Variants in PABPC4L observed in about 807,000 individuals in gnomAD.
PABPC4L encodes the protein polyadenylate-binding protein 4-like.
For synonymous variants in PABPC4L, 169 were observed against 164.1 expected (o/e 1.03, Z -0.23); for missense variants, 452 against 451.4 (o/e 1.00, Z -0.01).
the PABPC4L span, among the ~76,000 whole-genome samples, chr4:134,080,194 T>G: frequency 1.3e-5 from 2 of 152,080 alleles, no homozygotes; most frequent in Non-Finnish European, 2.9e-5. Flanking sequence ...AAATGTCACA[T>G]GAGTGAATTA....
the PABPC4L span, among the ~76,000 whole-genome samples, chr4:134,186,478 T>C: frequency 2.6e-5 from 4 of 152,182 alleles, no homozygotes; most frequent in Non-Finnish European, 2.9e-5. Flanking sequence ...CTGGGAAAAC[T>C]GGCTAGCCAT....
At chr4:133,963,891 C>A in the PABPC4L span, among the ~76,000 whole-genome samples, 2 of 152,028 alleles carry the variant, frequency 1.3e-5, no homozygotes, top group Non-Finnish European at 2.9e-5. Flanking sequence ...CACAAACTGA[C>A]ATTCTAAGGT....
At chr4:133,971,842 A>G in the PABPC4L span, among the ~76,000 whole-genome samples, 1 of 152,140 alleles carries the variant, frequency 6.6e-6, no homozygotes. Flanking sequence ...ACAGATTTCA[A>G]TTCAATTTTC....
rs1282057730 is a variant in PABPC4L at position 134,200,886 on chromosome 4, T to C, written c.134A>G (p.Gln45Arg). 2.6e-6 allele frequency: 4 copies of C among 1,558,282 alleles called. No individual in the cohort carries two copies. The highest frequency in any genetic ancestry group is 1.9e-5 in the Admixed American group (1 of 51,610). Residue 45 changes from glutamine (Q) to arginine (R), a missense_variant, in exon 2 of 2, where the codon CAG (glutamine) becomes CGG (arginine). Physicochemically the swap from Gln to Arg is conservative, Grantham distance 43. Transcript: ENST00000421491. ...ATAGCCCAGAGAGCGGCGGGTGACC[T>C]GGTCCCTGCAAATGCGGATGGACAG... ...PVLSIRICRD[Q>R]VTRRSLGYAY...
the PABPC4L span, among the ~76,000 whole-genome samples, chr4:134,022,817 A>T: frequency 6.6e-6 from 1 of 151,870 alleles, no homozygotes; most frequent in African/African-American, 2.4e-5. Context: ...TTCCCCATAT[A>T]TGCAGGAGTT....
the PABPC4L span, among the ~76,000 whole-genome samples, chr4:133,983,213 T>G: frequency 1.3e-5 from 2 of 152,028 alleles, no homozygotes; most frequent in Non-Finnish European, 2.9e-5. Context: ...GAAACCTACT[T>G]GGTGTACTAA....
At chr4:134,065,384 T>C in the PABPC4L span, among the ~76,000 whole-genome samples, 1 of 152,104 alleles carries the variant, frequency 6.6e-6, no homozygotes, top group Non-Finnish European at 1.5e-5. Context: ...TGGCTGTACG[T>C]ATGTCTTCTT....
the PABPC4L span, among the ~76,000 whole-genome samples, chr4:134,109,753 T>TG: frequency 6.7e-6 from 1 of 149,020 alleles, no homozygotes; most frequent in East Asian, 2.0e-4. Context: ...TCTAGATCAT[T>TG]TTTTTTTTTT....
At chr4:134,152,234 G>A in the PABPC4L span, among the ~76,000 whole-genome samples, 1 of 151,962 alleles carries the variant, frequency 6.6e-6, no homozygotes, top group Non-Finnish European at 1.5e-5. Flanking sequence ...AGCTACGAGA[G>A]ATATTGACTA....
At chr4:133,998,623 C>A in the PABPC4L span, among the ~76,000 whole-genome samples, 2 of 151,816 alleles carry the variant, frequency 1.3e-5, no homozygotes, top group South Asian at 2.1e-4. Flanking sequence ...ATCTGTGAAC[C>A]CTTTTTTTAA....
the PABPC4L span, among the ~76,000 whole-genome samples, chr4:133,989,485 C>T: frequency 1.3e-5 from 2 of 152,180 alleles, no homozygotes; most frequent in African/African-American, 4.8e-5. Context: ...TTCTCATCTC[C>T]ATCTGAGACC....
the PABPC4L span, among the ~76,000 whole-genome samples, chr4:134,035,690 C>T: frequency 6.6e-6 from 1 of 151,940 alleles, no homozygotes; most frequent in Non-Finnish European, 1.5e-5. Context: ...TATCACTATA[C>T]TAATGTATAG....
chr4:134,158,276 G>T, the PABPC4L span, among the ~76,000 whole-genome samples: 5 of 151,868 alleles, frequency 3.3e-5, no homozygotes, highest in African/African-American at 1.2e-4. Flanking sequence ...TAAAATGTCA[G>T]AATATTTAAC....
the PABPC4L span, among the ~76,000 whole-genome samples, chr4:134,162,236 A>G: frequency 6.6e-6 from 1 of 152,090 alleles, no homozygotes; most frequent in Non-Finnish European, 1.5e-5. Context: ...CTTCCCTAGC[A>G]ATAACAACAT....
At chr4:133,995,230 C>A in the PABPC4L span, among the ~76,000 whole-genome samples, 2 of 152,294 alleles carry the variant, frequency 1.3e-5, no homozygotes, top group Admixed American at 1.3e-4. Flanking sequence ...GAATGGGGTT[C>A]TTTTCCCACG....
chr4:134,069,574 A>T, the PABPC4L span, among the ~76,000 whole-genome samples: 1 of 151,960 alleles, frequency 6.6e-6, no homozygotes, highest in East Asian at 1.9e-4. Context: ...CTGGTCTTTA[A>T]GCTCTGAGAT....
the PABPC4L span, among the ~76,000 whole-genome samples, chr4:134,037,432 T>C: frequency 5.9e-5 from 9 of 152,110 alleles, no homozygotes; most frequent in Admixed American, 2.6e-4. Context: ...TTTATTCTTG[T>C]AATTACTATC....
At chr4:133,973,826 G>GT in the PABPC4L span, among the ~76,000 whole-genome samples, 1 of 152,172 alleles carries the variant, frequency 6.6e-6, no homozygotes, top group Admixed American at 6.5e-5. Context: ...AGCCCCACCT[G>GT]TTGGGACTAG....
At chr4:134,014,658 C>G in the PABPC4L span, among the ~76,000 whole-genome samples, 6 of 152,120 alleles carry the variant, frequency 3.9e-5, no homozygotes, top group East Asian at 1.2e-3. Context: ...TGACACTGCC[C>G]GATCGCCTCA....
Sources: allele counts gnomAD v4.1 joint callset (sites outside exome capture counted in the v4.1 genomes callset), GRCh38; gene constraint gnomAD v4.1.1; transcripts MANE v1.5; gene names NCBI Gene and HGNC (gene_info 2026-07-23, HGNC 2026-07-21).